Variants in TC2N observed in about 807,000 individuals in gnomAD.
The protein encoded by TC2N is tandem C2 domains nuclear protein.
TC2N carries 51 observed loss-of-function variants against 61.9 expected under a neutral mutation model. The observed-to-expected ratio is 0.82, with a 90% confidence interval of 0.66 to 1.04. The LOEUF (loss-of-function observed/expected upper bound fraction) is 1.04. Among genes scored for constraint, TC2N ranks in the 50% least tolerant of loss-of-function variants. The pLI is 0.00. For missense variants in TC2N, 556 were observed against 566.7 expected, an observed-to-expected ratio of 0.98 and a Z score of 0.19; for synonymous variants, 204 against 192.6, an observed-to-expected ratio of 1.06 and a Z score of -0.49.
At chr14:91,789,440 AAAG>A (rs199727748) in intron 9 of TC2N, among the ~76,000 whole-genome samples, 9,794 of 151,494 alleles carry the variant, frequency 0.065, 945 homozygotes, top group African/African-American at 0.21. Context: ...AAAAAAAAAA[AAAG>A]AAGAAGAAAA....
Position 91,837,094 on chromosome 14 carries a change from T to C in TC2N, c.-56-23269A>G, listed in dbSNP as rs1395583377. On this transcript the variant is annotated intron_variant, in intron 1 of 11. Coordinates refer to ENST00000435962, the MANE Select transcript of TC2N (RefSeq NM_001128596.3). This position sits in a 1 kb window ranked among gnomAD's most constrained non-coding sequence, Gnocchi z 4.2. ...ACAGCACCTCACACCCCCGATTCTA[T>C]GAGGGATCCCCTCTAACCCTGGTAA... 6.6e-6 allele frequency among the ~76,000 whole-genome samples: 1 copy of C among 152,242 alleles called. No homozygotes were observed. Among genetic ancestry groups the C allele is most frequent in the Non-Finnish European group, 1.5e-5 (1 of 68,040 alleles).
chr14:91,828,079 A>G (rs1887580837), intron 1 of TC2N, among the ~76,000 whole-genome samples: 1 of 152,158 alleles, frequency 6.6e-6, no homozygotes, highest in Non-Finnish European at 1.5e-5. Context: ...TGCATCGCCA[A>G]CTGTTCATGT....
At chr14:91,848,492 T>G (rs1188978992) in intron 1 of TC2N, among the ~76,000 whole-genome samples, 2 of 152,240 alleles carry the variant, frequency 1.3e-5, no homozygotes, top group Non-Finnish European at 2.9e-5. Flanking sequence ...CATCTGCGTA[T>G]TTATTCCAGC....
rs749445229 is a variant in TC2N, at chr14:91,801,676, AAAC to A, written c.469+575_469+577del. Among the ~76,000 whole-genome samples, 44 of 152,336 alleles carry A rather than the reference AAAC, an allele frequency of 2.9e-4. 1 individual carries two copies. Among genetic ancestry groups the A allele is most frequent in the South Asian group, 2.3e-3 (11 of 4,822 alleles). On this transcript the variant is annotated intron_variant, in intron 4 of 11. Coordinates refer to ENST00000435962, the MANE Select transcript of TC2N (RefSeq NM_001128596.3). Reference sequence around the variant, plus strand: ...GGCAACAAAGTGAGACTCTGTCTCAAAACAACAACAACAACAAAAAGACAAAAT... The same window carrying A: ...GGCAACAAAGTGAGACTCTGTCTCAAAACAACAACAACAAAAAGACAAAAT...
chr14:91,784,917 G>A (rs1267920391), intron 11 of TC2N, among the ~76,000 whole-genome samples: 2 of 152,016 alleles, frequency 1.3e-5, no homozygotes, highest in South Asian at 2.1e-4. Flanking sequence ...AATTCTCATC[G>A]TTTTTGAAGT....
At chr14:91,819,486 T>A (rs1211775723) in intron 1 of TC2N, among the ~76,000 whole-genome samples, 4 of 152,086 alleles carry the variant, frequency 2.6e-5, no homozygotes, top group Non-Finnish European at 5.9e-5. Context: ...GTAGGTGACA[T>A]AAAGACTTCT....
At chr14:91,855,057 A>C (rs61508607) in intron 1 of TC2N, among the ~76,000 whole-genome samples, 14 of 152,154 alleles carry the variant, frequency 9.2e-5, no homozygotes, top group African/African-American at 3.4e-4. Flanking sequence ...ATGAATTTGG[A>C]GTTTGGGGAC....
chr14:91,799,324 G>T (rs1886099609), intron 5 of TC2N, among the ~76,000 whole-genome samples: 1 of 151,932 alleles, frequency 6.6e-6, no homozygotes, highest in Non-Finnish European at 1.5e-5. Flanking sequence ...TAAGGAGAAA[G>T]ATATTACTGC....
At chr14:91,850,965 A>C (rs1888363854) in intron 1 of TC2N, among the ~76,000 whole-genome samples, 1 of 152,150 alleles carries the variant, frequency 6.6e-6, no homozygotes, top group Admixed American at 6.5e-5. Flanking sequence ...ATGCCTGATG[A>C]GCTATCACTG....
chr14:91,838,745 G>T (rs1888113331), intron 1 of TC2N, among the ~76,000 whole-genome samples: 1 of 152,174 alleles, frequency 6.6e-6, no homozygotes, highest in Admixed American at 6.5e-5. Flanking sequence ...TTCTTCCCTA[G>T]TCCATCTTAA....
At chr14:91,802,827 C>A (rs1243614663) in intron 3 of TC2N, among the ~76,000 whole-genome samples, 1 of 151,372 alleles carries the variant, frequency 6.6e-6, no homozygotes, top group African/African-American at 2.4e-5. Context: ...GAGAAACTCT[C>A]AAATTTGGAA....
Position 91,820,952 on chromosome 14 carries a change from A to AT in TC2N, c.-56-7128_-56-7127insA, listed in dbSNP as rs560063000. ...AGACATTACTGAAAGATATTAAAGA[A>AT]GAGCTCAATACTTGTGAAGATATCC... On this transcript the variant is annotated intron_variant, in intron 1 of 11. Coordinates refer to ENST00000435962, the MANE Select transcript of TC2N (RefSeq NM_001128596.3). Among the ~76,000 whole-genome samples the AT allele has an allele frequency of 5.3e-5, 8 of 152,210 alleles. No individual in the cohort carries two copies. The South Asian group carries it at 1.7e-3, about 32-fold the overall frequency.
intron 1 of TC2N, among the ~76,000 whole-genome samples, chr14:91,852,475 G>C (rs953615997): frequency 2.0e-5 from 3 of 151,940 alleles, no homozygotes; most frequent in African/African-American, 7.3e-5. Flanking sequence ...TTTTTCAATC[G>C]GGAAACCTGC....
intron 1 of TC2N, among the ~76,000 whole-genome samples, chr14:91,841,090 G>T (rs1306717604): frequency 6.6e-6 from 1 of 152,166 alleles, no homozygotes; most frequent in Non-Finnish European, 1.5e-5. Flanking sequence ...AAGGAAATCT[G>T]TGAAGGAGGA....
At chr14:91,862,482 T>C (rs1317431558) in intron 1 of TC2N, among the ~76,000 whole-genome samples, 1 of 152,174 alleles carries the variant, frequency 6.6e-6, no homozygotes, top group Non-Finnish European at 1.5e-5. Context: ...ACAGGTTTGT[T>C]GGTCTTTGTT....
chr14:91,809,364 T>C (rs192172827), intron 3 of TC2N, among the ~76,000 whole-genome samples: 1 of 152,018 alleles, frequency 6.6e-6, no homozygotes, highest in Non-Finnish European at 1.5e-5. Flanking sequence ...GCCAAAACCA[T>C]GCCACTGCAC....
At chr14:91,800,210 T>C in intron 5 of TC2N, 71 bp downstream of exon 5, 2 of 868,122 alleles carry the variant, frequency 2.3e-6, no homozygotes, top group Non-Finnish European at 3.6e-6. Context: ...CCTAATGTAA[T>C]TCATACATTT....
rs752190465 is a variant in TC2N at position 91,787,506 on chromosome 14, T to C, written c.1162+7A>G. 7.0e-6 allele frequency: 11 copies of C among 1,561,876 alleles called. No homozygotes were observed. The highest frequency in any genetic ancestry group is 4.1e-5 in the African/African-American group (3 of 73,714). On this transcript the variant is annotated splice_region_variant and intron_variant, in intron 10 of 11. Transcript: ENST00000435962. The stretch of plus-strand genomic sequence containing the variant: ...AAGATTCTACTTTGAACCACTGATA[T>C]ACTTACTCAAAGTCAGAGGTGTTGA...
At chr14:91,814,286 C>A (rs1450621159) in intron 1 of TC2N, among the ~76,000 whole-genome samples, 2 of 143,598 alleles carry the variant, frequency 1.4e-5, no homozygotes, top group Non-Finnish European at 3.1e-5. Context: ...GATAAAACAG[C>A]AAGAAACCTA....
Sources: allele counts gnomAD v4.1 joint callset (sites outside exome capture counted in the v4.1 genomes callset), GRCh38; gene constraint gnomAD v4.1.1; non-coding constraint Gnocchi (gnomAD v3.1); transcripts MANE v1.5; gene names NCBI Gene and HGNC (gene_info 2026-07-23, HGNC 2026-07-21).